RYR3: variants seen among roughly 807,000 people sequenced by gnomAD.
The protein encoded by RYR3 is ryanodine receptor 3, also known as brain ryanodine receptor-calcium release channel.
Under a neutral mutation model 584.3 loss-of-function variants are expected in RYR3, and 207 were observed. The observed-to-expected ratio is 0.35, with a 90% CI of 0.32 to 0.40. The LOEUF (loss-of-function observed/expected upper bound fraction) is 0.40, where lower values mean the gene tolerates loss of function less well. Among genes scored for constraint, RYR3 ranks in the 10% least tolerant of loss-of-function variants. RYR3 has a pLI of 1.00. For synonymous variants in RYR3, 2,416 were observed against 2,248.5 expected, an observed-to-expected ratio of 1.07 and a Z score of -2.11; for missense variants, 5,616 against 6,089.2, an observed-to-expected ratio of 0.92 and a Z score of 2.59.
chr15:33,788,448 GACA>G lies in RYR3; in HGVS notation c.9827_9829del (p.Asn3276del), dbSNP rs1175125367. 1.9e-6 allele frequency: 3 copies of G among 1,613,648 alleles called. No homozygotes were observed. The highest frequency in any genetic ancestry group is 2.5e-6 in the Non-Finnish European group (3 of 1,179,688). On this transcript the variant is annotated inframe_deletion, in exon 67 of 104. Coordinates refer to ENST00000634891, the MANE Select transcript of RYR3 (RefSeq NM_001036.6). ...CTACCCCATGCTGATCCGCTACGTG[GACA>G]ACAACAGGTACGGAGGAGAGCACTA...
chr15:33,434,321 G>A (rs529478360), intron 1 of RYR3, among the ~76,000 whole-genome samples: 4 of 152,158 alleles, frequency 2.6e-5, no homozygotes, highest in African/African-American at 4.8e-5. Context: ...AATCACCTCC[G>A]TTGTCTTGGT....
At chr15:33,550,124 T>C in intron 9 of RYR3, 36 bp from the exon 10 acceptor site, 4 of 1,603,600 alleles carry the variant, frequency 2.5e-6, no homozygotes, top group Non-Finnish European at 3.4e-6. Context: ...CTTATTTTTG[T>C]ATAAATGCAA....
intron 1 of RYR3, among the ~76,000 whole-genome samples, chr15:33,472,725 AGGGCTGCTTTTG>A (rs768860671): frequency 4.6e-5 from 7 of 152,008 alleles, no homozygotes; most frequent in Non-Finnish European, 8.8e-5. Context: ...AAATTTTAGG[AGGGCTGCTTTTG>A]GGATTGATAT....
chr15:33,713,202 A>C (rs940698561), intron 43 of RYR3, among the ~76,000 whole-genome samples: 2 of 152,056 alleles, frequency 1.3e-5, no homozygotes, highest in African/African-American at 4.8e-5. Context: ...GTGATGGTAG[A>C]TGATGGTGGG....
At chr15:33,826,629 T>G in intron 83 of RYR3, 43 bp from the exon 84 acceptor site, 3 of 1,476,222 alleles carry the variant, frequency 2.0e-6, no homozygotes, top group South Asian at 1.1e-5. Flanking sequence ...TATTCTCTGG[T>G]GAGAAGCCAA....
chr15:33,539,117 A>G lies in RYR3; in HGVS notation c.434-233A>G, dbSNP rs548688010. 1.2e-5 allele frequency: 4 copies of G among 335,038 alleles called. No homozygotes were observed. The East Asian group carries it at 1.4e-4, about 12-fold the overall frequency. The allele number at this position is 335,038 out of a possible 1,614,324, so 20.8% of individuals were successfully genotyped here. ...GCCGCTATAGTTTCCGGCCTCCAAT[A>G]CTCCTTTCCATACACTGTTTTTCTG... On this transcript the variant is annotated intron_variant, in intron 5 of 103. Transcript: ENST00000634891.
intron 65 of RYR3, among the ~76,000 whole-genome samples, chr15:33,781,619 G>C (rs775023489): frequency 3.9e-5 from 6 of 152,254 alleles, no homozygotes; most frequent in Middle Eastern, 3.4e-3. Flanking sequence ...CTTCAGGTAA[G>C]AGGAGCACAT....
intron 46 of RYR3, among the ~76,000 whole-genome samples, chr15:33,727,594 G>A (rs1005535152): frequency 5.3e-5 from 8 of 152,142 alleles, no homozygotes; most frequent in Admixed American, 3.9e-4. Flanking sequence ...CATGAGAGAG[G>A]AAGTCAATTT....
At chr15:33,663,441 T>A in intron 35 of RYR3, 96 bp from the exon 36 acceptor site, 2 of 1,050,184 alleles carry the variant, frequency 1.9e-6, no homozygotes, top group Non-Finnish European at 2.8e-6. Context: ...GGCAATTTAC[T>A]TTGTCTAAGT....
At chr15:33,808,888 G>T (rs2076351584) in intron 70 of RYR3, among the ~76,000 whole-genome samples, 1 of 152,136 alleles carries the variant, frequency 6.6e-6, no homozygotes, top group Non-Finnish European at 1.5e-5. Flanking sequence ...TGGAGCACTG[G>T]ACGCAAGATA....
intron 80 of RYR3, 77 bp from the exon 81 acceptor site, chr15:33,822,919 C>G: frequency 2.5e-6 from 3 of 1,179,960 alleles, no homozygotes; most frequent in Non-Finnish European, 3.6e-6. Flanking sequence ...CTGGGGATTT[C>G]TCCATCAGGA....
At chr15:33,624,572 A>G (rs1274721340) in intron 20 of RYR3, among the ~76,000 whole-genome samples, 1 of 152,226 alleles carries the variant, frequency 6.6e-6, no homozygotes, top group Non-Finnish European at 1.5e-5. Flanking sequence ...GTATTCTCAT[A>G]TGGCTGGGCT....
At chr15:33,527,796 C>G (rs866334679) in intron 3 of RYR3, among the ~76,000 whole-genome samples, 1 of 152,240 alleles carries the variant, frequency 6.6e-6, no homozygotes, top group Admixed American at 6.5e-5. Flanking sequence ...AAGGATGTCT[C>G]TGGCTGCCGT....
At chr15:33,864,024 C>T (rs1476458921) in intron 102 of RYR3, 114 bp from the exon 103 acceptor site, 1 of 677,202 alleles carries the variant, frequency 1.5e-6, no homozygotes, top group South Asian at 1.9e-5. Context: ...TCATTTAAGT[C>T]ACTGTAGATA....
At position 33,837,693 on chromosome 15, in the gene RYR3, A is replaced by G; in HGVS notation, c.11713A>G (p.Asn3905Asp). 6.2e-7 allele frequency: 1 copy of G among 1,607,962 alleles called. No individual in the cohort carries two copies. The highest frequency in any genetic ancestry group is 8.5e-7 in the Non-Finnish European group (1 of 1,176,720). ...TGACACACTGGTAGAATCATCTACCAATGTAGAAATGATCTTGAAATTCTT... is the reference window on the plus strand; with the variant it reads ...TGACACACTGGTAGAATCATCTACCGATGTAGAAATGATCTTGAAATTCTT... ...MVDTLVESST[N>D]VEMILKFFDM... The change falls in exon 89 of 104, where the codon AAT (asparagine) becomes GAT (aspartate). Residue 3905 changes from asparagine to aspartate, a missense_variant. Asn to Asp is a conservative substitution (Grantham distance 23). Around this residue, in one of 9 missense-constraint regions of RYR3, gnomAD observed 258 missense variants for 297.3 expected, o/e 0.87. Transcript: ENST00000634891.
chr15:33,837,093 T>C (rs1236472770), intron 88 of RYR3, 106 bp downstream of exon 88: 17 of 943,478 alleles, frequency 1.8e-5, no homozygotes, highest in Non-Finnish European at 2.7e-5. Flanking sequence ...TGATGCCATA[T>C]GACATTGGTC....
intron 43 of RYR3, 124 bp from the exon 44 acceptor site, chr15:33,722,591 C>A: frequency 1.1e-6 from 1 of 933,122 alleles, no homozygotes; most frequent in Non-Finnish European, 1.7e-6. Flanking sequence ...ACTTGACTGG[C>A]CTAAACCAAA....
chr15:33,859,546 C>CCTAAATCCCCCTTATTTTTCTTCTCTAGT, intron 99 of RYR3, 29 bp from the exon 100 acceptor site: 2 of 1,612,740 alleles, frequency 1.2e-6, no homozygotes, highest in Middle Eastern at 1.7e-4. Flanking sequence ...GTGACTTTTG[C>CCTAAATCCCCCTTATTTTTCTTCTCTAGT]CTAAATCCCC....
intron 93 of RYR3, 141 bp from the exon 94 acceptor site, chr15:33,848,150 C>T: frequency 1.9e-6 from 2 of 1,025,846 alleles, no homozygotes; most frequent in South Asian, 2.9e-5. Context: ...TGGCTTTGAT[C>T]CCACAACTAG....
Sources: allele counts gnomAD v4.1 joint callset (sites outside exome capture counted in the v4.1 genomes callset), GRCh38; gene constraint gnomAD v4.1.1; regional missense constraint gnomAD v4.1.1; transcripts MANE v1.5; gene names NCBI Gene and HGNC (gene_info 2026-07-23, HGNC 2026-07-21).